FLNB: variants seen among roughly 807,000 people sequenced by gnomAD.
The protein encoded by FLNB is filamin-B.
A neutral mutation model predicts 250.6 loss-of-function variants in FLNB; 111 were observed. The observed-to-expected ratio is 0.44, with a 90% CI of 0.38 to 0.52. The LOEUF (loss-of-function observed/expected upper bound fraction) is 0.52. FLNB is among the 20% of genes least tolerant of loss of function. FLNB has a pLI of 0.00. For synonymous variants in FLNB, 1,302 were observed against 1,372.1 expected (o/e 0.95, Z 1.13); for missense variants, 2,869 against 3,447.8 (o/e 0.83, Z 4.20).
At chr3:58,074,745 C>G (rs2097199353) in intron 1 of FLNB, among the ~76,000 whole-genome samples, 1 of 152,164 alleles carries the variant, frequency 6.6e-6, no homozygotes, top group African/African-American at 2.4e-5. Flanking sequence ...TCATTTTTCT[C>G]TGAGCCCCAT....
At chr3:58,152,755 G>T in intron 38 of FLNB, 1 of 1,339,476 alleles carries the variant, frequency 7.5e-7, no homozygotes, top group Non-Finnish European at 9.9e-7. Context: ...GGGCTGGAGG[G>T]TGCAGTTTCA....
At chr3:58,078,433 C>T (rs2097204592) in intron 2 of FLNB, 2 of 1,534,872 alleles carry the variant, frequency 1.3e-6, no homozygotes, top group African/African-American at 1.4e-5. Flanking sequence ...TTTTTCCAAG[C>T]TTTGTTTATT....
intron 1 of FLNB, among the ~76,000 whole-genome samples, chr3:58,039,372 C>T (rs143146598): frequency 1.3e-3 from 197 of 150,186 alleles, no homozygotes; most frequent in African/African-American, 4.6e-3. Flanking sequence ...TAATGGAAAA[C>T]GGTGTCTTGG....
intron 6 of FLNB, 60 bp downstream of exon 6, chr3:58,096,278 GC>G: frequency 8.4e-7 from 1 of 1,185,560 alleles, no homozygotes; most frequent in Non-Finnish European, 1.3e-6. Flanking sequence ...AAGAAAGATA[GC>G]CCAGGAAGAA....
rs957858587 is a variant in FLNB at position 58,169,776 on chromosome 3, T to C, written c.7604T>C (p.Val2535Ala). 8.4e-6 allele frequency: 13 copies of C among 1,538,972 alleles called. No homozygotes were observed. The Admixed American group carries it at 1.6e-4, about 18-fold the overall frequency. Reference sequence around the variant, plus strand: ...GTGGGCCAGAAGAGTTCCTTCCTGGTGGACTGCAGCAAAGCTGGTAGGTGT... The same window carrying C: ...GTGGGCCAGAAGAGTTCCTTCCTGGCGGACTGCAGCAAAGCTGGTAGGTGT... ...AFVGQKSSFL[V>A]DCSKAGSNML... is the part of the protein sequence containing the mutation. The change falls in exon 45 of 46, where the codon GTG becomes GCG. Residue 2535 changes from valine to alanine, a missense_variant. Coordinates refer to ENST00000295956, the MANE Select transcript of FLNB (RefSeq NM_001457.4). The surrounding 1 kb of genome is among the most constrained non-coding windows in gnomAD (Gnocchi z 4.8).
At chr3:58,090,089 A>C (rs2097224050) in intron 4 of FLNB, among the ~76,000 whole-genome samples, 1 of 151,488 alleles carries the variant, frequency 6.6e-6, no homozygotes, top group South Asian at 2.1e-4. Context: ...GAGCCACTGG[A>C]CCCGGCCTCT....
intron 1 of FLNB, among the ~76,000 whole-genome samples, chr3:58,066,840 A>C (rs937407019): frequency 6.6e-6 from 1 of 152,242 alleles, no homozygotes; most frequent in African/African-American, 2.4e-5. Flanking sequence ...CATCATAGAT[A>C]CTATGAGCTG....
intron 33 of FLNB, 62 bp downstream of exon 33, chr3:58,146,111 C>T (rs888121320): frequency 1.1e-5 from 17 of 1,587,938 alleles, no homozygotes; most frequent in South Asian, 4.4e-5. Context: ...GAAGTGGACA[C>T]GGTTCCAGGG....
chr3:58,126,450 C>A, intron 23 of FLNB, 152 bp from the exon 24 acceptor site: 1 of 691,412 alleles, frequency 1.4e-6, no homozygotes, highest in Non-Finnish European at 2.6e-6. Flanking sequence ...TTACATTATA[C>A]TAATGTGAAA....
At chr3:58,113,276 A>C (rs937098159) in intron 18 of FLNB, among the ~76,000 whole-genome samples, 1 of 152,208 alleles carries the variant, frequency 6.6e-6, no homozygotes, top group African/African-American at 2.4e-5. Context: ...GGATTTTAAT[A>C]CTTAAGCCTA....
chr3:58,121,407 G>C lies in FLNB; in HGVS notation c.3030G>C (p.Glu1010Asp). Residue 1010 changes from glutamate (E) to aspartate (D), a missense_variant, in exon 20 of 46, where the codon GAG becomes GAC. Glu to Asp is a conservative substitution (Grantham distance 45). This residue lies in a region of FLNB where 1,348 missense variants were observed against 1,466.7 expected (regional missense o/e 0.92). Transcript: ENST00000295956. ...ENSTAKFIPR[E>D]EGLYAVDVTY... ...GCACGGCCAAGTTCATCCCTCGGGAGGAGGGGCTGTATGCTGTAGACGTGA... is the reference window on the plus strand; with the variant it reads ...GCACGGCCAAGTTCATCCCTCGGGACGAGGGGCTGTATGCTGTAGACGTGA... 1 of 1,614,178 alleles carries C rather than the reference G, an allele frequency of 6.2e-7. No individual in the cohort carries two copies. The highest frequency in any genetic ancestry group is 8.5e-7 in the Non-Finnish European group (1 of 1,180,034).
At chr3:58,031,000 GT>G (rs2097130078) in intron 1 of FLNB, among the ~76,000 whole-genome samples, 1 of 152,112 alleles carries the variant, frequency 6.6e-6, no homozygotes, top group African/African-American at 2.4e-5. Context: ...CTATGATACC[GT>G]TTATATGAAG....
In FLNB at chr3:58,163,028, C is replaced by T. The variant is rs2097364248; in HGVS notation, c.7022-126C>T. 33 of 946,760 alleles carry T rather than the reference C, an allele frequency of 3.5e-5. 2 individuals carry two copies. In the South Asian group the frequency reaches 4.5e-4, roughly 13 times the overall value. 58.6% of individuals were successfully genotyped at this position (946,760 alleles called of 1,614,324 possible). A position where few individuals can be genotyped will look rare whatever the true frequency, so the allele number is the denominator to read the frequency against. On this transcript the variant is annotated intron_variant, in intron 42 of 45. Transcript: ENST00000295956. Reference sequence around the variant, plus strand: ...TTCTGAAATCCAGGATGCTGAGTGCCAGGCTCCCTGTAGAACTGTTGATTT... The same window carrying T: ...TTCTGAAATCCAGGATGCTGAGTGCTAGGCTCCCTGTAGAACTGTTGATTT...
chr3:58,073,375 A>T (rs1440723164), intron 1 of FLNB, among the ~76,000 whole-genome samples: 1 of 152,116 alleles, frequency 6.6e-6, no homozygotes, highest in East Asian at 1.9e-4. Context: ...CTTCCAGCTC[A>T]GGAAATGTCT....
intron 22 of FLNB, among the ~76,000 whole-genome samples, chr3:58,124,978 T>C (rs1451478115): frequency 6.6e-6 from 1 of 152,196 alleles, no homozygotes; most frequent in Non-Finnish European, 1.5e-5. Context: ...GCTTTTTCTT[T>C]TGGTTAATGG....
At chr3:58,040,406 G>GT (rs2097144435) in intron 1 of FLNB, among the ~76,000 whole-genome samples, 1 of 152,190 alleles carries the variant, frequency 6.6e-6, no homozygotes, top group African/African-American at 2.4e-5. Flanking sequence ...TCTCATTAAG[G>GT]TGGGGGCAGC....
chr3:58,136,776 G>T (rs1023519780), intron 28 of FLNB, among the ~76,000 whole-genome samples: 2 of 78,892 alleles, frequency 2.5e-5, no homozygotes, highest in African/African-American at 1.5e-4. Context: ...TTTTGAGATG[G>T]AGTCTTGCTC....
chr3:58,113,511 C>T (rs2097272595), intron 18 of FLNB, among the ~76,000 whole-genome samples: 1 of 152,032 alleles, frequency 6.6e-6, no homozygotes, highest in South Asian at 2.1e-4. Context: ...TGTAACTGTC[C>T]CCTGAGTTTG....
intron 32 of FLNB, among the ~76,000 whole-genome samples, chr3:58,144,788 C>T (rs570330274): frequency 5.3e-5 from 8 of 152,224 alleles, no homozygotes; most frequent in African/African-American, 1.2e-4. Flanking sequence ...ATTTTTGGAG[C>T]TTTGCCAGTC....
Sources: gnomAD v4.1 joint callset for allele counts (sites outside exome capture counted in the v4.1 genomes callset) on GRCh38, gnomAD v4.1.1 for gene constraint, gnomAD v4.1.1 regional missense constraint, Gnocchi (gnomAD v3.1) non-coding constraint, MANE v1.5 for transcripts, NCBI Gene and HGNC (gene_info 2026-07-23, HGNC 2026-07-21) for gene names.